The following DSCAM variants were observed in gnomAD, a reference collection of about 807,000 sequenced individuals.
DSCAM encodes DS cell adhesion molecule.
Under a neutral mutation model 217.7 loss-of-function variants are expected in DSCAM, and 47 were observed. That is an observed-to-expected ratio of 0.22 (90% confidence interval 0.17 to 0.28). DSCAM has a LOEUF of 0.28. Ranked by LOEUF, DSCAM falls within the 10% of genes least tolerant of loss-of-function variation. The probability of loss-of-function intolerance (pLI) is 1.00; values close to 1 mark genes in which losing one functional copy is unlikely to be tolerated. For missense variants in DSCAM, 2,080 were observed against 2,618.3 expected (o/e 0.79, Z 4.49); for synonymous variants, 1,056 against 1,015.3 (o/e 1.04, Z -0.76).
intron 32 of DSCAM, among the ~76,000 whole-genome samples, chr21:40,033,169 G>A (rs1037708936): frequency 6.6e-6 from 1 of 152,106 alleles, no homozygotes; most frequent in Non-Finnish European, 1.5e-5. Context: ...TGGGGGGGAG[G>A]AGCCAAGATG....
At chr21:40,029,590 C>A (rs1387953191) in intron 32 of DSCAM, among the ~76,000 whole-genome samples, 6 of 152,134 alleles carry the variant, frequency 3.9e-5, no homozygotes, top group Non-Finnish European at 8.8e-5. Context: ...AGGCGGGCCC[C>A]AAGGCATGCA....
chr21:40,669,438 G>A (rs1302098278), intron 3 of DSCAM, among the ~76,000 whole-genome samples: 12 of 152,044 alleles, frequency 7.9e-5, no homozygotes, highest in Admixed American at 7.9e-4. Context: ...CTATGTGCCA[G>A]TTACTATTCT....
At chr21:40,322,661 A>G (rs1490093727) in intron 8 of DSCAM, among the ~76,000 whole-genome samples, 1 of 151,896 alleles carries the variant, frequency 6.6e-6, no homozygotes, top group African/African-American at 2.4e-5. Context: ...AGTAGCTGGT[A>G]CTACAGGTGC....
intron 19 of DSCAM, among the ~76,000 whole-genome samples, chr21:40,126,995 C>G (rs2090100957): frequency 6.6e-6 from 1 of 152,174 alleles, no homozygotes; most frequent in African/African-American, 2.4e-5. Flanking sequence ...GGCCCTGGAG[C>G]CTCACTGCTG....
chr21:40,256,357 TCAGGGCTTCC>T (rs1222076849), intron 11 of DSCAM, among the ~76,000 whole-genome samples: 1 of 151,420 alleles, frequency 6.6e-6, no homozygotes, highest in Non-Finnish European at 1.5e-5. Flanking sequence ...TCTGCATTAG[TCAGGGCTTCC>T]CAGAGAAACA....
intron 3 of DSCAM, among the ~76,000 whole-genome samples, chr21:40,378,551 C>CTTA (rs2074986445): frequency 3.9e-5 from 4 of 101,406 alleles, no homozygotes; most frequent in Non-Finnish European, 6.2e-5. Flanking sequence ...ACAATGAAAA[C>CTTA]TTATTTTTTT....
At chr21:40,523,822 G>A (rs570126231) in intron 3 of DSCAM, among the ~76,000 whole-genome samples, 78 of 151,928 alleles carry the variant, frequency 5.1e-4, no homozygotes, top group African/African-American at 1.8e-3. Context: ...CACACACACT[G>A]GGGCCTCAGG....
chr21:40,281,442 C>A (rs1338049772), intron 10 of DSCAM, among the ~76,000 whole-genome samples: 1 of 152,154 alleles, frequency 6.6e-6, no homozygotes, highest in African/African-American at 2.4e-5. Context: ...CTCCACTCAT[C>A]AATCAGTGCA....
At chr21:40,500,834 T>C (rs1380520727) in intron 3 of DSCAM, among the ~76,000 whole-genome samples, 2 of 152,160 alleles carry the variant, frequency 1.3e-5, no homozygotes, top group African/African-American at 4.8e-5. Context: ...ATGCCTCCCA[T>C]TGTGGAACCT....
chr21:40,138,828 G>C (rs1182385029), intron 18 of DSCAM, among the ~76,000 whole-genome samples: 1 of 147,268 alleles, frequency 6.8e-6, no homozygotes, highest in East Asian at 2.0e-4. Context: ...GTGTGGTGTG[G>C]TGTGTGGTGT....
At chr21:40,671,991 C>G (rs566026142) in intron 3 of DSCAM, among the ~76,000 whole-genome samples, 1 of 152,224 alleles carries the variant, frequency 6.6e-6, no homozygotes, top group South Asian at 2.1e-4. Context: ...TTTCCAGCCA[C>G]TGTGTATCTG....
In DSCAM at chr21:40,632,146, C is replaced by T. The variant is rs142640517; in HGVS notation, c.508+60664G>A. Among the ~76,000 whole-genome samples the T allele has an allele frequency of 4.3e-4, 65 of 152,294 alleles. 1 individual carries two copies. In the East Asian group the frequency reaches 0.011, roughly 25 times the overall value. On this transcript the variant is annotated intron_variant, in intron 3 of 32. Coordinates refer to ENST00000400454, the MANE Select transcript of DSCAM (RefSeq NM_001389.5). ...TATGCTGGCTTCCAAGGCTGCTGACCAGGTCTATGCTGACCCCAGTGCTCA... is the reference window on the plus strand; with the variant it reads ...TATGCTGGCTTCCAAGGCTGCTGACTAGGTCTATGCTGACCCCAGTGCTCA...
chr21:40,099,871 C>G (rs942236384), intron 20 of DSCAM, among the ~76,000 whole-genome samples: 3 of 152,140 alleles, frequency 2.0e-5, no homozygotes, highest in Admixed American at 6.5e-5. Context: ...GGGCTTTGAG[C>G]TCTAGGGAAT....
chr21:40,781,309 C>T lies in DSCAM; in HGVS notation c.43+65310G>A, dbSNP rs531650154. ...TGCTGGGATTACAAGCATGAGCCAC[C>T]GTGCCTGGCCCATTTTGTACATTTT... On this transcript the variant is annotated intron_variant, in intron 1 of 32. Transcript: ENST00000400454. 5.3e-5 allele frequency among the ~76,000 whole-genome samples: 8 copies of T among 152,288 alleles called. No homozygotes were observed. The East Asian group carries it at 7.7e-4, about 15-fold the overall frequency.
intron 3 of DSCAM, among the ~76,000 whole-genome samples, chr21:40,588,014 G>A (rs1276775290): frequency 2.6e-5 from 4 of 152,172 alleles, no homozygotes; most frequent in Non-Finnish European, 5.9e-5. Context: ...ATTCAGCTGG[G>A]TGCATGGCTT....
At chr21:40,697,150 A>C (rs2090604600) in intron 2 of DSCAM, among the ~76,000 whole-genome samples, 1 of 152,202 alleles carries the variant, frequency 6.6e-6, no homozygotes, top group African/African-American at 2.4e-5. Context: ...TATGTGAGTG[A>C]AAACATGTAA....
chr21:40,637,624 C>CTATATATAT (rs1265414818), intron 3 of DSCAM, among the ~76,000 whole-genome samples: 1 of 33,296 alleles, frequency 3.0e-5, no homozygotes, highest in Non-Finnish European at 5.5e-5. Context: ...TAAATATATA[C>CTATATATAT]ATATATAAAT....
chr21:40,432,221 T>TATAAATAAATAAATAAATAA (rs980618588), intron 3 of DSCAM, among the ~76,000 whole-genome samples: 1 of 149,690 alleles, frequency 6.7e-6, no homozygotes, highest in Non-Finnish European at 1.5e-5. Context: ...AAAATAAATA[T>TATAAATAAATAAATAAATAA]ATAAATAAAT....
chr21:40,839,863 A>G (rs1470182382), intron 1 of DSCAM, among the ~76,000 whole-genome samples: 3 of 152,208 alleles, frequency 2.0e-5, no homozygotes, highest in Non-Finnish European at 4.4e-5. Context: ...GGCAAGATTC[A>G]TTAATCCCTG....
Sources: allele counts gnomAD v4.1 joint callset (sites outside exome capture counted in the v4.1 genomes callset), GRCh38; gene constraint gnomAD v4.1.1; transcripts MANE v1.5; gene names NCBI Gene and HGNC (gene_info 2026-07-23, HGNC 2026-07-21).